Variants in CHRFAM7A observed in about 807,000 individuals in gnomAD.
CHRFAM7A encodes CHRNA7-FAM7A fusion protein.
CHRFAM7A carries 3 observed loss-of-function variants against 29.2 expected under a neutral mutation model. The ratio of observed to expected loss-of-function variants is 0.10; its 90% CI spans 0.05 to 0.27. The LOEUF (loss-of-function observed/expected upper bound fraction) is 0.27, where lower values mean the gene tolerates loss of function less well. Ranked by LOEUF, CHRFAM7A falls within the 10% of genes least tolerant of loss-of-function variation. The pLI, the probability that CHRFAM7A is intolerant of heterozygous loss-of-function variation, is 1.00. For missense variants in CHRFAM7A, 22 were observed against 328.0 expected (o/e 0.07, Z 7.21); for synonymous variants, 7 against 135.4 (o/e 0.05, Z 6.58).
At chr15:30,366,859 G>A (rs1320981199) in intron 9 of CHRFAM7A, among the ~76,000 whole-genome samples, 3 of 147,364 alleles carry the variant, frequency 2.0e-5, no homozygotes, top group Non-Finnish European at 4.5e-5. Flanking sequence ...AACACACAGG[G>A]CAGCCAGTTT....
intron 9 of CHRFAM7A, among the ~76,000 whole-genome samples, chr15:30,367,165 A>C (rs2140865067): frequency 6.6e-6 from 1 of 151,142 alleles, no homozygotes; most frequent in East Asian, 2.0e-4. Flanking sequence ...AGGCGCCTGT[A>C]GTCCCAGCTA....
chr15:30,367,567 T>A (rs2058805486), intron 8 of CHRFAM7A, 40 bp from the exon 9 acceptor site: 1 of 1,589,288 alleles, frequency 6.3e-7, no homozygotes, highest in African/African-American at 1.4e-5. Flanking sequence ...CCGGGGATCC[T>A]GTGGCACTGC....
intron 9 of CHRFAM7A, among the ~76,000 whole-genome samples, 166 bp from the exon 10 acceptor site, chr15:30,362,977 G>A (rs1390778995): frequency 2.0e-5 from 3 of 151,128 alleles, no homozygotes; most frequent in African/African-American, 4.9e-5. Flanking sequence ...CGTATGACAA[G>A]CAGTCGAGTT....
intron 5 of CHRFAM7A, among the ~76,000 whole-genome samples, chr15:30,374,089 G>A (rs2058895743): frequency 8.5e-6 from 1 of 117,298 alleles, no homozygotes; most frequent in African/African-American, 3.5e-5. Context: ...TCCAGGCTAG[G>A]ACAGGTTGGA....
intron 8 of CHRFAM7A, among the ~76,000 whole-genome samples, chr15:30,369,309 T>TA (rs1424191511): frequency 6.7e-6 from 1 of 149,956 alleles, no homozygotes; most frequent in Non-Finnish European, 1.5e-5. Flanking sequence ...AGCAATTTGT[T>TA]ACGGTAGCCT....
intron 5 of CHRFAM7A, among the ~76,000 whole-genome samples, chr15:30,375,555 G>T (rs1323880560): frequency 6.7e-6 from 1 of 150,136 alleles, no homozygotes; most frequent in Non-Finnish European, 1.5e-5. Flanking sequence ...TAGTGTATCT[G>T]GTTTGAGAGT....
chr15:30,387,474 A>T, intron 1 of CHRFAM7A, among the ~76,000 whole-genome samples: 1 of 19,480 alleles, frequency 5.1e-5, no homozygotes, highest in Non-Finnish European at 1.1e-4. Context: ...TAGTGGAATT[A>T]CGGGTGTGCA....
chr15:30,376,050 C>G (rs1176101434), intron 5 of CHRFAM7A, among the ~76,000 whole-genome samples: 2 of 139,540 alleles, frequency 1.4e-5, no homozygotes, highest in Non-Finnish European at 3.0e-5. Flanking sequence ...GTTGTGTGAA[C>G]AGTGTGTGTG....
rs1179445469 is a variant in CHRFAM7A at position 30,364,218 on chromosome 15, A to G, written c.721-1407T>C. 1.7e-4 allele frequency among the ~76,000 whole-genome samples: 2 copies of G among 12,050 alleles called. 1 individual carries two copies. The highest frequency in any genetic ancestry group is 1.8e-4 in the African/African-American group (2 of 11,306). The allele number at this position is 12,050 out of a possible 152,430, so 7.9% of individuals were successfully genotyped here. On this transcript the variant is annotated intron_variant, in intron 9 of 9. Transcript: ENST00000299847. ...AGCTTTCATTCTTGGTCATCTTTTT[A>G]TAACATCAAAGATAACTGCAACAAA... is the stretch of plus-strand genomic sequence containing the variant.
intron 5 of CHRFAM7A, among the ~76,000 whole-genome samples, chr15:30,375,947 TGTGAGTGGTTG>T (rs2058927575): frequency 1.6e-3 from 44 of 28,180 alleles, no homozygotes; most frequent in East Asian, 3.9e-3. Context: ...GTGGGTGGTA[TGTGAGTGGTTG>T]TGTGAGTGGT....
At chr15:30,367,555 A>T (rs1308045327) in intron 8 of CHRFAM7A, 28 bp from the exon 9 acceptor site, 1 of 1,596,250 alleles carries the variant, frequency 6.3e-7, no homozygotes, top group Non-Finnish European at 8.6e-7. Flanking sequence ...GCAGGGTGAG[A>T]CCCGGGGATC....
At chr15:30,374,003 A>T (rs2140887166) in intron 5 of CHRFAM7A, among the ~76,000 whole-genome samples, 1 of 145,748 alleles carries the variant, frequency 6.9e-6, no homozygotes, top group African/African-American at 2.6e-5. Context: ...ACAAACAAAC[A>T]AAAACAAGAA....
At position 30,372,971 on chromosome 15, in the gene CHRFAM7A, G is replaced by A; in HGVS notation, c.328+7C>T. Reference sequence around the variant, plus strand: ...CTTTCTTCCAGGCGGTTAGTCTCATGGCTTACCCACTAGGTCCCATTCTCC... The same window carrying A: ...CTTTCTTCCAGGCGGTTAGTCTCATAGCTTACCCACTAGGTCCCATTCTCC... On this transcript the variant is annotated splice_region_variant and intron_variant, in intron 6 of 9. Coordinates refer to ENST00000299847, the MANE Select transcript of CHRFAM7A (RefSeq NM_139320.2). The A allele has an allele frequency of 6.2e-7, 1 of 1,602,898 alleles. No homozygotes were observed. Among genetic ancestry groups the A allele is most frequent in the Non-Finnish European group, 8.5e-7 (1 of 1,172,500 alleles).
chr15:30,375,599 G>A (rs1222253462), intron 5 of CHRFAM7A, among the ~76,000 whole-genome samples: 2 of 149,786 alleles, frequency 1.3e-5, no homozygotes, highest in African/African-American at 4.9e-5. Flanking sequence ...GTGTGTGTGA[G>A]GGTTGTGAGT....
At position 30,361,485 on chromosome 15, in the gene CHRFAM7A, C is replaced by T; in HGVS notation, c.*808G>A. On this transcript the variant is annotated 3_prime_UTR_variant, in exon 10 of 10. Coordinates refer to ENST00000299847, the MANE Select transcript of CHRFAM7A (RefSeq NM_139320.2). ...AATTCTAGTAGAACTCTTATTTGTC[C>T]TATGGGTTCTGCAGAATAGAACAGA... 1 of 141,920 alleles carries T rather than the reference C, an allele frequency of 7.0e-6. No homozygotes were observed. The highest frequency in any genetic ancestry group is 2.0e-4 in the East Asian group (1 of 4,964). 8.8% of individuals were successfully genotyped at this position (141,920 alleles called of 1,614,324 possible).
intron 5 of CHRFAM7A, among the ~76,000 whole-genome samples, chr15:30,376,148 G>C (rs1242583308): frequency 2.6e-5 from 4 of 151,602 alleles, no homozygotes; most frequent in Non-Finnish European, 5.9e-5. Flanking sequence ...AGGTGTGTGT[G>C]AGTGGTGTGT....
rs1487605204 is a variant in CHRFAM7A at position 30,377,848 on chromosome 15, A to G, written c.81-739T>C. 4.9e-5 allele frequency among the ~76,000 whole-genome samples: 7 copies of G among 143,950 alleles called. 1 individual carries two copies. Among genetic ancestry groups the G allele is most frequent in the Admixed American group, 3.5e-4 (5 of 14,092 alleles). The allele number at this position is 143,950 out of a possible 152,430, so 94.4% of individuals were successfully genotyped here. On this transcript the variant is annotated intron_variant, in intron 4 of 9. Coordinates refer to ENST00000299847, the MANE Select transcript of CHRFAM7A (RefSeq NM_139320.2). ...TAGCTAAAATGGAACATTTTAAATT[A>G]TGTGTAATTTACAAGTAACACATTT...
chr15:30,375,902 GA>G, intron 5 of CHRFAM7A, among the ~76,000 whole-genome samples: 1 of 12,026 alleles, frequency 8.3e-5, no homozygotes, highest in Non-Finnish European at 2.9e-4. Flanking sequence ...GGTGGTATGT[GA>G]GTGGTTGTGT....
chr15:30,367,534 A>G lies in CHRFAM7A; in HGVS notation c.611-7T>C. Reference sequence around the variant, plus strand: ...GTGCTGGCGAAGTACTGGGCTGTGGAGAGAACAGATGCAGGGTGAGACCCG... The same window carrying G: ...GTGCTGGCGAAGTACTGGGCTGTGGGGAGAACAGATGCAGGGTGAGACCCG... On this transcript the variant is annotated splice_polypyrimidine_tract_variant and splice_region_variant and intron_variant, in intron 8 of 9. Transcript: ENST00000299847. The G allele has an allele frequency of 6.2e-7, 1 of 1,604,120 alleles. No individual in the cohort carries two copies. The highest frequency in any genetic ancestry group is 8.5e-7 in the Non-Finnish European group (1 of 1,173,868).
Sources: allele counts gnomAD v4.1 joint callset (sites outside exome capture counted in the v4.1 genomes callset), GRCh38; gene constraint gnomAD v4.1.1; transcripts MANE v1.5; gene names NCBI Gene and HGNC (gene_info 2026-07-23, HGNC 2026-07-21).